ARMH1: variants seen among roughly 807,000 people sequenced by gnomAD.
ARMH1 encodes the protein armadillo-like helical domain containing protein 1.
A neutral mutation model predicts 50.2 loss-of-function variants in ARMH1; 34 were observed. The ratio of observed to expected loss-of-function variants is 0.68; its 90% CI spans 0.51 to 0.90. The LOEUF (loss-of-function observed/expected upper bound fraction) is 0.90. Among genes scored for constraint, ARMH1 ranks in the 40% least tolerant of loss-of-function variants. The pLI, the probability that ARMH1 is intolerant of heterozygous loss-of-function variation, is 0.00. For synonymous variants in ARMH1, 221 were observed against 224.2 expected (o/e 0.99, Z 0.13); for missense variants, 538 against 553.9 (o/e 0.97, Z 0.29).
intron 1 of ARMH1, among the ~76,000 whole-genome samples, chr1:44,678,758 G>A (rs1315894350): frequency 1.3e-5 from 2 of 152,128 alleles, no homozygotes; most frequent in Non-Finnish European, 2.9e-5. Flanking sequence ...ATGCCTTGGA[G>A]GCCTCTTTGC....
intron 1 of ARMH1, among the ~76,000 whole-genome samples, chr1:44,685,879 GC>G (rs1400312278): frequency 6.6e-6 from 1 of 152,116 alleles, no homozygotes; most frequent in African/African-American, 2.4e-5. Flanking sequence ...GCCTGCCTCG[GC>G]CTCCCAAAGT....
chr1:44,678,252 G>T (rs1017468793), intron 1 of ARMH1, among the ~76,000 whole-genome samples: 2 of 152,076 alleles, frequency 1.3e-5, no homozygotes, highest in Non-Finnish European at 2.9e-5. Context: ...AGTGTTGGAG[G>T]CAGAAGTGAG....
chr1:44,697,934 T>A, intron 3 of ARMH1, 129 bp from the exon 4 acceptor site: 3 of 608,402 alleles, frequency 4.9e-6, no homozygotes, highest in Non-Finnish European at 8.1e-6. Flanking sequence ...CTCGTATCAC[T>A]TTACCTATGG....
intron 2 of ARMH1, among the ~76,000 whole-genome samples, chr1:44,696,280 C>A (rs1321461087): frequency 6.6e-6 from 1 of 152,170 alleles, no homozygotes; most frequent in Non-Finnish European, 1.5e-5. Context: ...CTTCACACAC[C>A]CCCCGCCCAA....
rs758655248 is a variant in ARMH1, at chr1:44,681,126, C to G, written c.-23+6253C>G. On this transcript the variant is annotated intron_variant, in intron 1 of 11. Transcript: ENST00000535358. The surrounding 1 kb of genome is among the most constrained non-coding windows in gnomAD (Gnocchi z 4.3). Reference sequence around the variant, plus strand: ...TCTCCTGCCTCAGCCTCCCGAGTAGCTGGGACTGCAGGCGTCCACCACCAT... The same window carrying G: ...TCTCCTGCCTCAGCCTCCCGAGTAGGTGGGACTGCAGGCGTCCACCACCAT... 2.3e-3 allele frequency among the ~76,000 whole-genome samples: 356 copies of G among 151,806 alleles called. 2 individuals are homozygous for G. The highest frequency in any genetic ancestry group is 2.0e-3 in the Non-Finnish European group (133 of 67,912).
chr1:44,709,995 G>T (rs1427071035), intron 6 of ARMH1, among the ~76,000 whole-genome samples: 2 of 152,158 alleles, frequency 1.3e-5, no homozygotes, highest in African/African-American at 4.8e-5. Context: ...CTAATCAAAT[G>T]ATCATTTCAT....
rs1308100752 is a variant in ARMH1, at chr1:44,724,692, G to T, written c.1050+24G>T. The T allele has an allele frequency of 6.8e-7, 1 of 1,480,346 alleles. No individual in the cohort carries two copies. Among genetic ancestry groups the T allele is most frequent in the Middle Eastern group, 2.3e-4 (1 of 4,310 alleles). The allele number at this position is 1,480,346 out of a possible 1,614,324, so 91.7% of individuals were successfully genotyped here. A position where few individuals can be genotyped will look rare whatever the true frequency, so the allele number is the denominator to read the frequency against. On this transcript the variant is annotated intron_variant, in intron 9 of 11. Transcript: ENST00000535358. The surrounding 1 kb of genome is among the most constrained non-coding windows in gnomAD (Gnocchi z 6.4). ...AGGTGCGCGCGGCGGCTGGTTAGGGGGCGGGAAGGGCGGCGGCACCCGCAG... is the reference window on the plus strand; with the variant it reads ...AGGTGCGCGCGGCGGCTGGTTAGGGTGCGGGAAGGGCGGCGGCACCCGCAG...
Position 44,689,763 on chromosome 1 carries a change from C to T in ARMH1, c.66C>T (p.Asn22=), listed in dbSNP as rs370896313. ...RLLSFLQEWD[N]AGKVARSHIL... is the part of the protein sequence containing the mutation. ...TAAGTTTTTTACAGGAGTGGGACAA[C>T]GCTGGCAAAGTCGCAAGGAGTCACA... Residue 22 remains asparagine, a synonymous_variant, in exon 2 of 12, where the codon AAC becomes AAT. Coordinates refer to ENST00000535358, the MANE Select transcript of ARMH1 (RefSeq NM_001145636.2). The T allele has an allele frequency of 2.0e-4, 308 of 1,551,982 alleles. No individual in the cohort carries two copies. The highest frequency in any genetic ancestry group is 2.7e-4 in the African/African-American group (20 of 73,122).
chr1:44,724,514 G>T lies in ARMH1; in HGVS notation c.921-25G>T. 1 of 1,503,760 alleles carries T rather than the reference G, an allele frequency of 6.6e-7. No individual in the cohort carries two copies. The allele number at this position is 1,503,760 out of a possible 1,614,324, so 93.2% of individuals were successfully genotyped here. ...TGCGCCGGGTGAGCCCCAGGGCGTC[G>T]CCCCAGCCCGAACCCCCGGCCCAGG... On this transcript the variant is annotated intron_variant, in intron 8 of 11. Coordinates refer to ENST00000535358, the MANE Select transcript of ARMH1 (RefSeq NM_001145636.2). This position sits in a 1 kb window ranked among gnomAD's most constrained non-coding sequence, Gnocchi z 6.4.
intron 4 of ARMH1, among the ~76,000 whole-genome samples, chr1:44,700,044 G>T (rs1645995706): frequency 6.6e-6 from 1 of 151,890 alleles, no homozygotes; most frequent in African/African-American, 2.4e-5. Context: ...TGGCCAGGCT[G>T]GTCTCGAACT....
Position 44,689,906 on chromosome 1 carries a change from A to G in ARMH1, c.206+3A>G, listed in dbSNP as rs1168662665. ...TTGACCACCTCGCTTAGAATCACGTATCCTTTACTGAACAGAAAAAAAAAA... is the reference window on the plus strand; with the variant it reads ...TTGACCACCTCGCTTAGAATCACGTGTCCTTTACTGAACAGAAAAAAAAAA... On this transcript the variant is annotated splice_donor_region_variant and intron_variant, in intron 2 of 11. Transcript: ENST00000535358. 8 of 1,549,314 alleles carry G rather than the reference A, an allele frequency of 5.2e-6. No homozygotes were observed. Among genetic ancestry groups the G allele is most frequent in the Admixed American group, 2.0e-5 (1 of 50,914 alleles).
chr1:44,675,735 G>A (rs1169382614), intron 1 of ARMH1, among the ~76,000 whole-genome samples: 4 of 152,066 alleles, frequency 2.6e-5, no homozygotes, highest in Admixed American at 6.5e-5. Flanking sequence ...TGAGGCGGGC[G>A]TATCACTTCA....
chr1:44,723,612 T>C (rs571321906), intron 6 of ARMH1, among the ~76,000 whole-genome samples: 1 of 152,320 alleles, frequency 6.6e-6, no homozygotes, highest in South Asian at 2.1e-4. Flanking sequence ...TCTGGTGAGC[T>C]TCCACGGGTG....
At position 44,684,073 on chromosome 1, in the gene ARMH1, A is replaced by ACACTT. The variant is rs1219349667; in HGVS notation, c.-22-5603_-22-5602insCACTT. ...GTGGATAGCTCTTAATCAACACTCA[A>ACACTT]AAAATGTCAGTTTCTTCTCCCTGCC... is the stretch of plus-strand genomic sequence containing the variant. On this transcript the variant is annotated intron_variant, in intron 1 of 11. Coordinates refer to ENST00000535358, the MANE Select transcript of ARMH1 (RefSeq NM_001145636.2). 8.6e-4 allele frequency among the ~76,000 whole-genome samples: 131 copies of ACACTT among 152,202 alleles called. 1 individual carries two copies. The highest frequency in any genetic ancestry group is 1.7e-3 in the Admixed American group (26 of 15,282).
At chr1:44,721,504 G>A (rs923139960) in intron 6 of ARMH1, among the ~76,000 whole-genome samples, 5 of 149,970 alleles carry the variant, frequency 3.3e-5, no homozygotes, top group Non-Finnish European at 7.4e-5. Flanking sequence ...CAAAAACTAG[G>A]TTTTCTTTTA....
chr1:44,698,224 G>A lies in ARMH1; in HGVS notation c.437G>A (p.Ser146Asn). The part of the protein sequence containing the change: ...GRTYKELICE[S>N]YGVRSIAEFL... Reference sequence around the variant, plus strand: ...ACATACAAGGAACTCATTTGTGAAAGCTATGGTGGGTACTGTGTGTGACAA... The same window carrying A: ...ACATACAAGGAACTCATTTGTGAAAACTATGGTGGGTACTGTGTGTGACAA... Residue 146 changes from serine to asparagine, a missense_variant, in exon 4 of 12, where the codon AGC (serine) becomes AAC (asparagine). By Grantham distance (46) the Ser-to-Asn change is conservative (BLOSUM62 1). Coordinates refer to ENST00000535358, the MANE Select transcript of ARMH1 (RefSeq NM_001145636.2). 1 of 1,551,756 alleles carries A rather than the reference G, an allele frequency of 6.4e-7. No individual in the cohort carries two copies. The highest frequency in any genetic ancestry group is 1.2e-5 in the South Asian group (1 of 84,006).
chr1:44,688,732 A>G lies in ARMH1; in HGVS notation c.-22-944A>G, dbSNP rs76145042. Among the ~76,000 whole-genome samples, 239 of 152,332 alleles carry G rather than the reference A, an allele frequency of 1.6e-3. 5 individuals are homozygous for G. The East Asian group carries it at 0.032, about 20-fold the overall frequency. The stretch of plus-strand genomic sequence containing the variant: ...TCAGCACTAACATTTGTTATGGATA[A>G]TAACACTTTCAATCACAACTATTTT... On this transcript the variant is annotated intron_variant, in intron 1 of 11. Coordinates refer to ENST00000535358, the MANE Select transcript of ARMH1 (RefSeq NM_001145636.2).
intron 6 of ARMH1, among the ~76,000 whole-genome samples, chr1:44,718,462 G>A (rs187452166): frequency 6.6e-6 from 1 of 152,224 alleles, no homozygotes; most frequent in Non-Finnish European, 1.5e-5. Context: ...GCCGGTGCAG[G>A]CTACGGCTGC....
At chr1:44,701,992 C>T (rs926534980) in intron 5 of ARMH1, among the ~76,000 whole-genome samples, 1 of 151,534 alleles carries the variant, frequency 6.6e-6, no homozygotes, top group Admixed American at 6.6e-5. Context: ...ATAGTCCCAG[C>T]TGCTCGGGAG....
Sources: gnomAD v4.1 joint callset for allele counts (sites outside exome capture counted in the v4.1 genomes callset) on GRCh38, gnomAD v4.1.1 for gene constraint, Gnocchi (gnomAD v3.1) non-coding constraint, MANE v1.5 for transcripts, NCBI Gene and HGNC (gene_info 2026-07-23, HGNC 2026-07-21) for gene names.